The following PITPNC1 variants were observed in gnomAD, a reference collection of about 807,000 sequenced individuals.
PITPNC1 encodes the protein phosphatidylinositol transfer protein cytoplasmic 1, also known as cytoplasmic phosphatidylinositol transfer protein 1.
Under a neutral mutation model 44.7 loss-of-function variants are expected in PITPNC1, and 18 were observed. The observed-to-expected ratio is 0.40, with a 90% CI of 0.28 to 0.60. PITPNC1 has a LOEUF of 0.60. Among genes scored for constraint, PITPNC1 ranks in the 20% least tolerant of loss-of-function variants. PITPNC1 has a pLI of 0.39. For missense variants in PITPNC1, 290 were observed against 418.4 expected, an observed-to-expected ratio of 0.69 and a Z score of 2.68; for synonymous variants, 141 against 149.6, an observed-to-expected ratio of 0.94 and a Z score of 0.42.
At chr17:67,440,568 A>G (rs1171405854) in intron 1 of PITPNC1, among the ~76,000 whole-genome samples, 2 of 150,960 alleles carry the variant, frequency 1.3e-5, no homozygotes, top group Non-Finnish European at 2.9e-5. Context: ...GTCTCACTCC[A>G]TTGCCCAGGC....
Position 67,494,218 on chromosome 17 carries a change from TGA to T in PITPNC1, c.49-38581_49-38580del, listed in dbSNP as rs1568013004. Among the ~76,000 whole-genome samples the T allele has an allele frequency of 3.1e-3, 463 of 150,970 alleles. 15 individuals are homozygous for T. Among genetic ancestry groups the T allele is most frequent in the African/African-American group, 0.011 (446 of 40,764 alleles). On this transcript the variant is annotated intron_variant, in intron 1 of 8. Coordinates refer to ENST00000581322, the MANE Select transcript of PITPNC1 (RefSeq NM_012417.4). Reference sequence around the variant, plus strand: ...CTTTCTTTCTTTCTTTCTTTCTTTTTGAGACGTAGTCTTGCTCTGTTACTCAG... The same window carrying T: ...CTTTCTTTCTTTCTTTCTTTCTTTTTGACGTAGTCTTGCTCTGTTACTCAG...
chr17:67,546,175 TCAAAAACAAAAA>T (rs72432781), intron 2 of PITPNC1, among the ~76,000 whole-genome samples: 15,537 of 148,486 alleles, frequency 0.1, 796 homozygotes, highest in African/African-American at 0.12. Flanking sequence ...AGACTCCATC[TCAAAAACAAAAA>T]CAAAAACAAA....
At chr17:67,447,177 G>C (rs1169036482) in intron 1 of PITPNC1, among the ~76,000 whole-genome samples, 1 of 150,872 alleles carries the variant, frequency 6.6e-6, no homozygotes, top group East Asian at 1.9e-4. Context: ...GAATCGGAGA[G>C]TGGCCAACCT....
chr17:67,539,438 G>A (rs1432660805), intron 2 of PITPNC1, among the ~76,000 whole-genome samples: 1 of 152,160 alleles, frequency 6.6e-6, no homozygotes, highest in Non-Finnish European at 1.5e-5. Context: ...AATACATTAT[G>A]GCACATTCAC....
At chr17:67,473,765 G>A (rs1448978926) in intron 1 of PITPNC1, among the ~76,000 whole-genome samples, 1 of 152,168 alleles carries the variant, frequency 6.6e-6, no homozygotes, top group African/African-American at 2.4e-5. Context: ...TTGGAGGGAT[G>A]TGTTGAGCCT....
In PITPNC1 at chr17:67,431,087, A is replaced by G. The variant is rs1014395742; in HGVS notation, c.48+52885A>G. ...CTTTTTTTTTTTTTTGCGATGGAAT[A>G]TTGCTCTGTCGCCCAGGCCGGAGTG... On this transcript the variant is annotated intron_variant, in intron 1 of 8. Coordinates refer to ENST00000581322, the MANE Select transcript of PITPNC1 (RefSeq NM_012417.4). Among the ~76,000 whole-genome samples, 7 of 120,988 alleles carry G rather than the reference A, an allele frequency of 5.8e-5. No individual in the cohort carries two copies. In the Admixed American group the frequency reaches 6.7e-4, roughly 12 times the overall value. 79.4% of individuals were successfully genotyped at this position (120,988 alleles called of 152,430 possible). A position where few individuals can be genotyped will look rare whatever the true frequency, so the allele number is the denominator to read the frequency against.
At position 67,695,606 on chromosome 17, in the gene PITPNC1, G is replaced by GTATA. The variant is rs59071980; in HGVS notation, c.*2741_*2744dup. ...TTCACCAAAATTGTATTATACCTGT[G>GTATA]TATATATATATATATATATATATAT... On this transcript the variant is annotated 3_prime_UTR_variant, in exon 9 of 9. Coordinates refer to ENST00000581322, the MANE Select transcript of PITPNC1 (RefSeq NM_012417.4). 1.6e-3 allele frequency: 235 copies of GTATA among 142,958 alleles called. 1 individual carries two copies. The highest frequency in any genetic ancestry group is 3.2e-3 in the East Asian group (16 of 5,008). 8.9% of individuals were successfully genotyped at this position (142,958 alleles called of 1,614,324 possible). A position where few individuals can be genotyped will look rare whatever the true frequency, so the allele number is the denominator to read the frequency against.
At chr17:67,422,203 G>T (rs887090593) in intron 1 of PITPNC1, among the ~76,000 whole-genome samples, 1 of 152,168 alleles carries the variant, frequency 6.6e-6, no homozygotes, top group Middle Eastern at 3.2e-3. Context: ...CATGTTCCCA[G>T]GCCCATCCTA....
chr17:67,450,552 A>T (rs529070534), intron 1 of PITPNC1, among the ~76,000 whole-genome samples: 25 of 152,106 alleles, frequency 1.6e-4, no homozygotes, highest in Admixed American at 7.9e-4. Flanking sequence ...CAGCCTCTCG[A>T]GTAGCTGGGA....
intron 1 of PITPNC1, among the ~76,000 whole-genome samples, chr17:67,433,273 C>G (rs1396307155): frequency 6.6e-6 from 1 of 152,220 alleles, no homozygotes; most frequent in Admixed American, 6.5e-5. Context: ...GGCAAAGCTA[C>G]AGGTGCAGAG....
intron 1 of PITPNC1, among the ~76,000 whole-genome samples, chr17:67,478,690 A>T (rs1194277183): frequency 6.6e-6 from 1 of 152,086 alleles, no homozygotes; most frequent in Admixed American, 6.6e-5. Flanking sequence ...GTCACTGAGA[A>T]AGGGTCTCTG....
At chr17:67,674,048 G>A (rs920638566) in intron 7 of PITPNC1, among the ~76,000 whole-genome samples, 1 of 151,412 alleles carries the variant, frequency 6.6e-6, no homozygotes, top group African/African-American at 2.4e-5. Flanking sequence ...TGGGTACATA[G>A]TAGGTGTAAA....
chr17:67,482,603 T>C (rs2039719301), intron 1 of PITPNC1, among the ~76,000 whole-genome samples: 1 of 152,208 alleles, frequency 6.6e-6, no homozygotes, highest in Admixed American at 6.5e-5. Context: ...TAAAACATGA[T>C]GGAATCCACA....
intron 6 of PITPNC1, among the ~76,000 whole-genome samples, chr17:67,669,047 C>T (rs1238044904): frequency 6.6e-6 from 1 of 152,202 alleles, no homozygotes; most frequent in African/African-American, 2.4e-5. Flanking sequence ...TTCATAATCA[C>T]TCTACATCCC....
At chr17:67,445,415 G>A (rs1037571931) in intron 1 of PITPNC1, among the ~76,000 whole-genome samples, 2 of 151,932 alleles carry the variant, frequency 1.3e-5, no homozygotes, top group Admixed American at 6.6e-5. Flanking sequence ...TTGGGATACC[G>A]CTTTCTGAGC....
At chr17:67,653,965 G>A (rs1238249267) in intron 6 of PITPNC1, among the ~76,000 whole-genome samples, 1 of 152,184 alleles carries the variant, frequency 6.6e-6, no homozygotes, top group Non-Finnish European at 1.5e-5. Context: ...GGAGGTGGCT[G>A]CCCAGTACAT....
At chr17:67,559,880 C>CA (rs1444778633) in intron 4 of PITPNC1, among the ~76,000 whole-genome samples, 1 of 151,900 alleles carries the variant, frequency 6.6e-6, no homozygotes, top group East Asian at 1.9e-4. Context: ...GTCTCAAAAA[C>CA]AAAAAATAAA....
At chr17:67,490,274 G>C (rs2039845309) in intron 1 of PITPNC1, among the ~76,000 whole-genome samples, 1 of 152,062 alleles carries the variant, frequency 6.6e-6, no homozygotes, top group Admixed American at 6.6e-5. Context: ...TTGTGTGTGT[G>C]TGTGTGTTAT....
intron 1 of PITPNC1, among the ~76,000 whole-genome samples, chr17:67,489,765 A>T (rs1327293139): frequency 6.6e-6 from 1 of 151,930 alleles, no homozygotes; most frequent in African/African-American, 2.4e-5. Flanking sequence ...TTTTAATTTG[A>T]GATGGAGTCT....
Sources: allele counts gnomAD v4.1 joint callset (sites outside exome capture counted in the v4.1 genomes callset), GRCh38; gene constraint gnomAD v4.1.1; transcripts MANE v1.5; gene names NCBI Gene and HGNC (gene_info 2026-07-23, HGNC 2026-07-21).